The following CD109 variants were observed in gnomAD, a reference collection of about 807,000 sequenced individuals.
CD109 encodes CD109 antigen.
Under a neutral mutation model 165.8 loss-of-function variants are expected in CD109, and 149 were observed. The ratio of observed to expected loss-of-function variants is 0.90; its 90% CI spans 0.79 to 1.03. CD109 has a LOEUF of 1.03. Ranked by LOEUF, CD109 falls within the 50% of genes least tolerant of loss-of-function variation. The pLI is 0.00. For synonymous variants in CD109, 585 were observed against 592.1 expected (o/e 0.99, Z 0.18); for missense variants, 1,712 against 1,677.8 (o/e 1.02, Z -0.36).
At position 73,792,832 on chromosome 6, in the gene CD109, G is replaced by A. The variant is rs73460372; in HGVS notation, c.2878+30G>A. ...GCATTTTAGAGACCTACATTTGTTC[G>A]TAGAAAAAAATTTGTTTTTTTCAGG... On this transcript the variant is annotated intron_variant, in intron 23 of 32. Transcript: ENST00000287097. The A allele has an allele frequency of 1.3e-3, 2,017 of 1,562,826 alleles. 29 individuals carry two copies. In the African/African-American group the frequency reaches 0.022, roughly 17 times the overall value.
At position 73,815,068 on chromosome 6, in the gene CD109, G is replaced by T. The variant is rs768086152; in HGVS notation, c.3856G>T (p.Ala1286Ser). 5.0e-6 allele frequency: 8 copies of T among 1,590,730 alleles called. No individual in the cohort carries two copies. Among genetic ancestry groups the T allele is most frequent in the Non-Finnish European group, 6.8e-6 (8 of 1,171,846 alleles). Reference sequence around the variant, plus strand: ...TCAAGAAGCCTTTGATTTAGATGTTGCTGTAAAAGAAAATAAAGATGATCT... The same window carrying T: ...TCAAGAAGCCTTTGATTTAGATGTTTCTGTAAAAGAAAATAAAGATGATCT... ...QNQEAFDLDVAVKENKDDLNH... is the reference protein window; with the variant it reads ...QNQEAFDLDVSVKENKDDLNH... Residue 1286 changes from alanine to serine, a missense_variant, in exon 30 of 33, where the codon GCT (alanine) becomes TCT (serine). Physicochemically the swap from Ala to Ser is moderately conservative, Grantham distance 99 (BLOSUM62 1). Transcript: ENST00000287097.
chr6:73,746,967 C>T (rs1244435336), intron 5 of CD109, among the ~76,000 whole-genome samples: 1 of 152,168 alleles, frequency 6.6e-6, no homozygotes, highest in African/African-American at 2.4e-5. Context: ...TCTTCCTTTC[C>T]ACTTCACAGA....
chr6:73,781,158 A>G (rs1774478904), intron 16 of CD109, 101 bp from the exon 17 acceptor site: 4 of 908,226 alleles, frequency 4.4e-6, no homozygotes, highest in African/African-American at 1.7e-5. Flanking sequence ...TAAGCTCTCA[A>G]AAATGAGCAC....
intron 5 of CD109, among the ~76,000 whole-genome samples, chr6:73,750,994 A>G (rs865999331): frequency 2.0e-5 from 3 of 152,264 alleles, no homozygotes; most frequent in Middle Eastern, 6.8e-3. Context: ...GTCCAGTCTA[A>G]TAAAATAAAA....
chr6:73,758,984 T>C lies in CD109; in HGVS notation c.714T>C (p.Tyr238=). ...KFEVTLQTPL[Y]CSMNSKHLNG... is the part of the protein sequence containing the mutation. ...AAGTGACTTTGCAGACACCATTATA[T>C]TGTTCTATGAATTCTAAGCATTTAA... is the stretch of plus-strand genomic sequence containing the variant. The change falls in exon 7 of 33, where the codon TAT becomes TAC. Residue 238 remains tyrosine, a synonymous_variant. Transcript: ENST00000287097. 6.2e-7 allele frequency: 1 copy of C among 1,608,124 alleles called. No individual in the cohort carries two copies. The highest frequency in any genetic ancestry group is 8.5e-7 in the Non-Finnish European group (1 of 1,175,056).
intron 24 of CD109, among the ~76,000 whole-genome samples, chr6:73,803,520 C>CTT (rs1013210554): frequency 2.0e-4 from 30 of 151,964 alleles, no homozygotes; most frequent in Middle Eastern, 3.4e-3. Flanking sequence ...TATAAATCCT[C>CTT]TTTTTTGTGT....
chr6:73,781,047 T>C (rs888053460), intron 16 of CD109, among the ~76,000 whole-genome samples: 11 of 150,072 alleles, frequency 7.3e-5, no homozygotes, highest in African/African-American at 2.7e-4. Flanking sequence ...GATGGGCATG[T>C]GCGTGTGTGT....
At chr6:73,729,706 G>C (rs1006898831) in intron 3 of CD109, among the ~76,000 whole-genome samples, 1 of 151,894 alleles carries the variant, frequency 6.6e-6, no homozygotes, top group Non-Finnish European at 1.5e-5. Flanking sequence ...TAGAGATGGG[G>C]TTTCACCATG....
chr6:73,795,414 A>G (rs1298844275), intron 23 of CD109, among the ~76,000 whole-genome samples: 2 of 152,140 alleles, frequency 1.3e-5, no homozygotes, highest in Non-Finnish European at 2.9e-5. Flanking sequence ...ATCAGCAGCC[A>G]TCCTACAAAA....
chr6:73,767,871 C>T (rs1773905603), intron 13 of CD109, among the ~76,000 whole-genome samples, 184 bp from the exon 14 acceptor site: 1 of 152,090 alleles, frequency 6.6e-6, no homozygotes, highest in Admixed American at 6.6e-5. Context: ...TTAATCTTAC[C>T]ATTTTCTTTT....
Position 73,808,181 on chromosome 6 carries a change from G to C in CD109, c.3288G>C (p.Leu1096Phe). The change falls in exon 26 of 33, where the codon TTG (leucine) becomes TTC (phenylalanine). Residue 1096 changes from leucine to phenylalanine, a missense_variant. Leu to Phe is a conservative substitution (Grantham distance 22). Coordinates refer to ENST00000287097, the MANE Select transcript of CD109 (RefSeq NM_133493.5). Reference protein sequence around the residue: ...NYTLALITYALSSVGSPKAKE... With the variant: ...NYTLALITYAFSSVGSPKAKE... ...CTCTAGCCCTTATAACTTATGCATT[G>C]TCATCAGTGGGGAGTCCTAAAGCGA... 6.2e-7 allele frequency: 1 copy of C among 1,613,490 alleles called. No individual in the cohort carries two copies. Among genetic ancestry groups the C allele is most frequent in the South Asian group, 1.1e-5 (1 of 91,058 alleles).
Position 73,782,675 on chromosome 6 carries a change from T to C in CD109, c.2025T>C (p.Ile675=), listed in dbSNP as rs770666057. 1.9e-6 allele frequency: 3 copies of C among 1,613,816 alleles called. No individual in the cohort carries two copies. The part of the protein sequence containing the change: ...MEENEGHIVD[I]HDFSLGSSPH... ...AAAATGAAGGACATATTGTAGATAT[T>C]CATGACTTTTCTTTGGGTAGCAGTC... The change falls in exon 18 of 33, where the codon ATT becomes ATC. Residue 675 remains isoleucine, a synonymous_variant. Coordinates refer to ENST00000287097, the MANE Select transcript of CD109 (RefSeq NM_133493.5).
chr6:73,741,092 T>G (rs534808011), intron 5 of CD109, among the ~76,000 whole-genome samples: 1 of 152,132 alleles, frequency 6.6e-6, no homozygotes, highest in African/African-American at 2.4e-5. Flanking sequence ...TCTCAATATA[T>G]ACATAGACTT....
intron 5 of CD109, among the ~76,000 whole-genome samples, chr6:73,746,694 G>A (rs997844861): frequency 6.6e-6 from 1 of 151,822 alleles, no homozygotes; most frequent in Non-Finnish European, 1.5e-5. Flanking sequence ...ATGTGCTTGT[G>A]ATCCCTGGAT....
At chr6:73,689,967 C>A in the CD109 span, among the ~76,000 whole-genome samples, 2 of 152,134 alleles carry the variant, frequency 1.3e-5, no homozygotes, top group African/African-American at 4.8e-5. Context: ...AATCAGTAAA[C>A]CATACTTACA....
intron 25 of CD109, 28 bp downstream of exon 25, chr6:73,807,100 T>C (rs1294061313): frequency 1.3e-6 from 2 of 1,550,512 alleles, no homozygotes; most frequent in East Asian, 2.3e-5. Flanking sequence ...TAATAAATGA[T>C]AGATGGGAAA....
chr6:73,768,265 CTT>C, intron 14 of CD109, 34 bp downstream of exon 14: 1 of 1,303,896 alleles, frequency 7.7e-7, no homozygotes, highest in Non-Finnish European at 1.1e-6. Context: ...TAAAAGAAAA[CTT>C]TATATTAGTG....
intron 2 of CD109, among the ~76,000 whole-genome samples, chr6:73,718,487 T>C (rs912158332): frequency 2.0e-5 from 3 of 152,240 alleles, no homozygotes; most frequent in Non-Finnish European, 4.4e-5. Flanking sequence ...CAAATTTTTT[T>C]AAATTATCAA....
rs1776300199 is a variant in CD109, at chr6:73,827,103, C to T, written c.*3470C>T. 1 of 152,202 alleles carries T rather than the reference C, an allele frequency of 6.6e-6. No individual in the cohort carries two copies. The highest frequency in any genetic ancestry group is 2.1e-4 in the South Asian group (1 of 4,818). The allele number at this position is 152,202 out of a possible 1,614,324, so 9.4% of individuals were successfully genotyped here. On this transcript the variant is annotated 3_prime_UTR_variant, in exon 33 of 33. Transcript: ENST00000287097. Reference sequence around the variant, plus strand: ...TATAATCTGGAGTTCTTTTCACAACCTTACTTTTTCTGATTTGCTTTATTG... The same window carrying T: ...TATAATCTGGAGTTCTTTTCACAACTTTACTTTTTCTGATTTGCTTTATTG...
Sources: gnomAD v4.1 joint callset for allele counts (sites outside exome capture counted in the v4.1 genomes callset) on GRCh38, gnomAD v4.1.1 for gene constraint, MANE v1.5 for transcripts, NCBI Gene and HGNC (gene_info 2026-07-23, HGNC 2026-07-21) for gene names.